The following ULK4 variants were observed in gnomAD, a reference collection of about 807,000 sequenced individuals.
The protein encoded by ULK4 is inactive serine/threonine-protein kinase ULK4.
A neutral mutation model predicts 160.6 loss-of-function variants in ULK4; 133 were observed. That is an observed-to-expected ratio of 0.83 (90% CI 0.72 to 0.96). The LOEUF is 0.96. ULK4 is among the 40% of genes least tolerant of loss of function. The pLI is 0.00. For synonymous variants in ULK4, 534 were observed against 539.8 expected (o/e 0.99, Z 0.15); for missense variants, 1,580 against 1,499.5 (o/e 1.05, Z -0.89).
At chr3:41,663,778 A>G in intron 29 of ULK4, 79 bp from the exon 30 acceptor site, 1 of 1,167,082 alleles carries the variant, frequency 8.6e-7, no homozygotes, top group East Asian at 2.4e-5. Context: ...CAGCCAAACT[A>G]TCAATTTAGC....
At chr3:41,813,832 T>A (rs1036711379) in intron 19 of ULK4, among the ~76,000 whole-genome samples, 1 of 152,200 alleles carries the variant, frequency 6.6e-6, no homozygotes, top group African/African-American at 2.4e-5. Flanking sequence ...ACAGAAACGA[T>A]GTTGTTTTCT....
intron 29 of ULK4, among the ~76,000 whole-genome samples, chr3:41,669,103 T>C (rs2035445448): frequency 6.6e-6 from 1 of 152,168 alleles, no homozygotes; most frequent in South Asian, 2.1e-4. Flanking sequence ...GTCTACTTCA[T>C]CAACATCTGG....
intron 35 of ULK4, among the ~76,000 whole-genome samples, chr3:41,279,130 C>T (rs61611472): frequency 0.25 from 37,799 of 151,542 alleles, 6,968 homozygotes; most frequent in African/African-American, 0.52. Flanking sequence ...AACCACAGCA[C>T]AAGAACTTCG....
intron 35 of ULK4, among the ~76,000 whole-genome samples, chr3:41,383,570 T>C (rs1269976977): frequency 6.6e-6 from 1 of 152,184 alleles, no homozygotes; most frequent in Non-Finnish European, 1.5e-5. Flanking sequence ...ATGGTCAAAA[T>C]GATTACTAAG....
chr3:41,564,575 C>T (rs2087722233), intron 32 of ULK4, among the ~76,000 whole-genome samples: 1 of 150,668 alleles, frequency 6.6e-6, no homozygotes, highest in Non-Finnish European at 1.5e-5. Context: ...TCTCCTGCCT[C>T]AGCCTCCCGA....
At chr3:41,409,563 G>A (rs1394355876) in intron 34 of ULK4, among the ~76,000 whole-genome samples, 1 of 152,034 alleles carries the variant, frequency 6.6e-6, no homozygotes. Flanking sequence ...TTTTTAATGA[G>A]CAAAGACTTT....
chr3:41,883,951 G>A lies in ULK4; in HGVS notation c.1579C>T (p.Arg527Trp), dbSNP rs758141846. 1.9e-5 allele frequency: 31 copies of A among 1,605,720 alleles called. No individual in the cohort carries two copies. The highest frequency in any genetic ancestry group is 1.0e-4 in the Admixed American group (6 of 59,976). Residue 527 changes from arginine (R) to tryptophan (W), a missense_variant and splice_region_variant, in exon 17 of 37, where the codon CGG becomes TGG. Transcript: ENST00000301831. ...HLRIAPNWDIRAKVAHVIGLL... is the reference protein window; with the variant it reads ...HLRIAPNWDIWAKVAHVIGLL... ...CCAATTACGTGAGCAACCTTGGCCC[G>A]TCTGTAAATGGAGAGAAAACAGGCT...
intron 30 of ULK4, among the ~76,000 whole-genome samples, chr3:41,655,968 T>A (rs2034921915): frequency 6.6e-6 from 1 of 152,206 alleles, no homozygotes; most frequent in Non-Finnish European, 1.5e-5. Context: ...GAAGCTATCT[T>A]GTGACTGGGG....
chr3:41,622,828 C>T (rs777648872), intron 30 of ULK4, among the ~76,000 whole-genome samples: 9 of 152,080 alleles, frequency 5.9e-5, no homozygotes, highest in African/African-American at 9.7e-5. Flanking sequence ...AGATTTTTTC[C>T]GTAACAGTCC....
chr3:41,378,862 A>G (rs1422915708), intron 35 of ULK4, among the ~76,000 whole-genome samples: 1 of 152,076 alleles, frequency 6.6e-6, no homozygotes, highest in Admixed American at 6.6e-5. Flanking sequence ...ACACCATGGA[A>G]TACTATGCAG....
intron 16 of ULK4, among the ~76,000 whole-genome samples, chr3:41,889,185 A>T (rs375263901): frequency 3.3e-5 from 5 of 152,206 alleles, no homozygotes; most frequent in African/African-American, 1.2e-4. Flanking sequence ...TTCCAGGCTT[A>T]TATTATATAA....
chr3:41,278,616 T>C (rs1559501190), intron 35 of ULK4, among the ~76,000 whole-genome samples: 1 of 152,006 alleles, frequency 6.6e-6, no homozygotes, highest in Non-Finnish European at 1.5e-5. Context: ...CAGGTAGCAA[T>C]ATTTGCTGCT....
At chr3:41,937,558 A>AT (rs1245364930) in intron 3 of ULK4, among the ~76,000 whole-genome samples, 3 of 152,132 alleles carry the variant, frequency 2.0e-5, no homozygotes, top group Admixed American at 6.6e-5. Flanking sequence ...TGGTTATTAC[A>AT]TTTTTTCCCT....
chr3:41,514,944 T>C (rs1181086860), intron 32 of ULK4, among the ~76,000 whole-genome samples: 1 of 152,158 alleles, frequency 6.6e-6, no homozygotes, highest in East Asian at 1.9e-4. Flanking sequence ...AATTACCTTT[T>C]CTATGAGTCA....
At chr3:41,603,107 A>C (rs1195119629) in intron 31 of ULK4, among the ~76,000 whole-genome samples, 1 of 152,154 alleles carries the variant, frequency 6.6e-6, no homozygotes, top group African/African-American at 2.4e-5. Context: ...AAAATATAAT[A>C]AAGGTAGAGT....
chr3:41,387,300 T>C (rs1189533065), intron 35 of ULK4, among the ~76,000 whole-genome samples: 2 of 152,164 alleles, frequency 1.3e-5, no homozygotes, highest in Non-Finnish European at 2.9e-5. Context: ...TTATTAACTA[T>C]AGTCATCCTA....
rs372981104 is a variant in ULK4 at position 41,414,804 on chromosome 3, A to C, written c.3493-16540T>G. Among the ~76,000 whole-genome samples, 10 of 152,314 alleles carry C rather than the reference A, an allele frequency of 6.6e-5. No individual in the cohort carries two copies. The East Asian group carries it at 1.4e-3, about 21-fold the overall frequency. On this transcript the variant is annotated intron_variant, in intron 34 of 36. Coordinates refer to ENST00000301831, the MANE Select transcript of ULK4 (RefSeq NM_017886.4). ...TAATTCCAGATGACACAGCTCAAGG[A>C]AACACTATTGCGCAGGGCCTTGACA...
intron 35 of ULK4, among the ~76,000 whole-genome samples, chr3:41,292,852 A>G (rs991522515): frequency 7.9e-5 from 12 of 151,780 alleles, no homozygotes; most frequent in African/African-American, 2.9e-4. Flanking sequence ...GCTGAGGCAG[A>G]AGAATTGCTT....
At chr3:41,780,243 G>C (rs75442930) in intron 21 of ULK4, among the ~76,000 whole-genome samples, 2,877 of 151,992 alleles carry the variant, frequency 0.019, 88 homozygotes, top group African/African-American at 0.062. Flanking sequence ...AGGAGGCAGC[G>C]GTTTCAGTGA....
Sources: gnomAD v4.1 joint callset for allele counts (sites outside exome capture counted in the v4.1 genomes callset) on GRCh38, gnomAD v4.1.1 for gene constraint, MANE v1.5 for transcripts, NCBI Gene and HGNC (gene_info 2026-07-23, HGNC 2026-07-21) for gene names.